Variants in PKD2L2 observed in about 807,000 individuals in gnomAD.
The protein encoded by PKD2L2 is polycystin 2 like 2, transient receptor potential cation channel.
Under a neutral mutation model 83.9 loss-of-function variants are expected in PKD2L2, and 67 were observed. The observed-to-expected ratio is 0.80, with a 90% CI of 0.66 to 0.98. The LOEUF is 0.98. Ranked by LOEUF, PKD2L2 falls within the 50% of genes least tolerant of loss-of-function variation. PKD2L2 has a pLI of 0.00. For missense variants in PKD2L2, 632 were observed against 717.2 expected (o/e 0.88, Z 1.36); for synonymous variants, 223 against 237.8 (o/e 0.94, Z 0.57).
chr5:137,897,808 A>AG (rs2150006505), intron 4 of PKD2L2, among the ~76,000 whole-genome samples: 1 of 152,264 alleles, frequency 6.6e-6, no homozygotes, highest in Admixed American at 6.5e-5. Flanking sequence ...GCTGAAACAT[A>AG]GTGTTATTAG....
intron 12 of PKD2L2, among the ~76,000 whole-genome samples, chr5:137,927,402 T>C (rs1759463821): frequency 6.6e-6 from 1 of 152,192 alleles, no homozygotes; most frequent in Admixed American, 6.5e-5. Flanking sequence ...AAGTGTCAAG[T>C]CATGAAGTCA....
chr5:137,936,494 C>A, intron 14 of PKD2L2, 67 bp downstream of exon 14: 1 of 1,363,412 alleles, frequency 7.3e-7, no homozygotes, highest in Non-Finnish European at 9.9e-7. Flanking sequence ...CTCGCTCTAA[C>A]GCCCAGGCTG....
intron 12 of PKD2L2, among the ~76,000 whole-genome samples, chr5:137,927,561 G>GT (rs1360385954): frequency 6.6e-6 from 1 of 152,168 alleles, no homozygotes; most frequent in Non-Finnish European, 1.5e-5. Context: ...GGATTAGATG[G>GT]TAATAATCTA....
At chr5:137,912,801 C>CTTTTTTTT (rs71583287) in intron 8 of PKD2L2, among the ~76,000 whole-genome samples, 6 of 99,826 alleles carry the variant, frequency 6.0e-5, no homozygotes, top group Admixed American at 1.2e-4. Flanking sequence ...TGTTTTCTTT[C>CTTTTTTTT]TTTCTTTTTT....
intron 12 of PKD2L2, among the ~76,000 whole-genome samples, chr5:137,928,837 T>C (rs1358405659): frequency 2.0e-5 from 3 of 152,198 alleles, no homozygotes; most frequent in African/African-American, 7.2e-5. Context: ...CTGAAAGTGT[T>C]GGGATTACAG....
chr5:137,890,455 GA>G, intron 1 of PKD2L2, 25 bp from the exon 2 acceptor site: 1 of 1,300,454 alleles, frequency 7.7e-7, no homozygotes, highest in Non-Finnish European at 1.1e-6. Flanking sequence ...ATAATGTAAA[GA>G]AAAATTTTGT....
chr5:137,940,120 C>G (rs144685038), intron 14 of PKD2L2: 1 of 1,614,070 alleles, frequency 6.2e-7, no homozygotes, highest in East Asian at 2.2e-5. Context: ...AAATGAGATT[C>G]TCTGAGTGCC....
intron 14 of PKD2L2, among the ~76,000 whole-genome samples, chr5:137,936,717 A>G (rs969869679): frequency 6.6e-6 from 1 of 152,230 alleles, no homozygotes; most frequent in Non-Finnish European, 1.5e-5. Flanking sequence ...GGCCTCCCAA[A>G]GTGCTGGGAT....
intron 12 of PKD2L2, among the ~76,000 whole-genome samples, chr5:137,932,699 A>G (rs1296316455): frequency 3.3e-5 from 5 of 152,214 alleles, no homozygotes. Context: ...AGTATTCTTT[A>G]TCCAAAATGC....
At chr5:137,894,312 T>C (rs1756253482) in intron 3 of PKD2L2, 41 bp from the exon 4 acceptor site, 4 of 1,533,660 alleles carry the variant, frequency 2.6e-6, no homozygotes, top group Non-Finnish European at 3.5e-6. Flanking sequence ...TCTGTTGACA[T>C]GAAAATATTT....
At chr5:137,921,134 G>A (rs1758857941) in intron 8 of PKD2L2, among the ~76,000 whole-genome samples, 1 of 152,152 alleles carries the variant, frequency 6.6e-6, no homozygotes, top group African/African-American at 2.4e-5. Flanking sequence ...GCCGAGGTGG[G>A]CGGATCACTT....
At chr5:137,909,038 A>G (rs1291206851) in intron 8 of PKD2L2, 92 bp downstream of exon 8, 7 of 682,000 alleles carry the variant, frequency 1.0e-5, no homozygotes, top group Non-Finnish European at 1.7e-5. Context: ...GTAGTAATAT[A>G]AGCTTTAATA....
chr5:137,910,322 G>A (rs1159406047), intron 8 of PKD2L2, among the ~76,000 whole-genome samples: 1 of 151,098 alleles, frequency 6.6e-6, no homozygotes, highest in African/African-American at 2.4e-5. Context: ...AATTTACAGA[G>A]CCTAGGAAAT....
intron 8 of PKD2L2, among the ~76,000 whole-genome samples, chr5:137,913,839 C>T (rs1758072089): frequency 6.6e-6 from 1 of 151,478 alleles, no homozygotes; most frequent in South Asian, 2.1e-4. Context: ...TGAGGAGGCA[C>T]TGTGCCCAGC....
intron 10 of PKD2L2, among the ~76,000 whole-genome samples, chr5:137,924,569 A>G (rs987802488): frequency 6.6e-6 from 1 of 152,174 alleles, no homozygotes; most frequent in Non-Finnish European, 1.5e-5. Flanking sequence ...CCATGTTTCT[A>G]AAGCATAGCA....
chr5:137,904,802 T>C (rs1275084490), intron 5 of PKD2L2, among the ~76,000 whole-genome samples: 2 of 152,208 alleles, frequency 1.3e-5, no homozygotes, highest in Non-Finnish European at 2.9e-5. Flanking sequence ...GCCATTTTTC[T>C]CTCGTAAGTC....
At position 137,894,509 on chromosome 5, in the gene PKD2L2, A is replaced by G. The variant is rs138241888; in HGVS notation, c.424A>G (p.Lys142Glu). ...ACTAAAAGTCCGCAACAACACATGCAAAGTCTATTCATCTTTTCAGTCTTT... is the reference window on the plus strand; with the variant it reads ...ACTAAAAGTCCGCAACAACACATGCGAAGTCTATTCATCTTTTCAGTCTTT... ...RQLKVRNNTC[K>E]VYSSFQSLMS... The change falls in exon 4 of 15, where the codon AAA becomes GAA. Residue 142 changes from lysine to glutamate, a missense_variant. By Grantham distance (56) the Lys-to-Glu change is moderately conservative (BLOSUM62 1). Coordinates refer to ENST00000508883, the MANE Select transcript of PKD2L2 (RefSeq NM_001300921.2). 1.2e-6 allele frequency: 2 copies of G among 1,613,984 alleles called. No homozygotes were observed. The highest frequency in any genetic ancestry group is 1.7e-6 in the Non-Finnish European group (2 of 1,179,852).
intron 2 of PKD2L2, among the ~76,000 whole-genome samples, chr5:137,890,830 T>C (rs1459513879): frequency 6.6e-6 from 1 of 152,264 alleles, no homozygotes; most frequent in Non-Finnish European, 1.5e-5. Context: ...CAATACTGAC[T>C]GAATTAGAAT....
intron 12 of PKD2L2, among the ~76,000 whole-genome samples, chr5:137,931,007 T>G (rs1355886784): frequency 6.6e-6 from 1 of 151,886 alleles, no homozygotes; most frequent in African/African-American, 2.4e-5. Context: ...ACATACAAAG[T>G]AAGAAATTAC....
Sources: gnomAD v4.1 joint callset for allele counts (sites outside exome capture counted in the v4.1 genomes callset) on GRCh38, gnomAD v4.1.1 for gene constraint, MANE v1.5 for transcripts, NCBI Gene and HGNC (gene_info 2026-07-23, HGNC 2026-07-21) for gene names.